Variants in GZMA observed in about 807,000 individuals in gnomAD.
GZMA encodes the protein granzyme A, also known as CTL tryptase.
A neutral mutation model predicts 21.1 loss-of-function variants in GZMA; 17 were observed. The observed-to-expected ratio is 0.81, with a 90% CI of 0.55 to 1.21. The LOEUF is 1.21. GZMA is among the 50% of genes most tolerant of loss of function. The probability of loss-of-function intolerance (pLI) is 0.00; values close to 1 mark genes in which losing one functional copy is unlikely to be tolerated. For missense variants in GZMA, 306 were observed against 315.9 expected (o/e 0.97, Z 0.24); for synonymous variants, 90 against 107.8 (o/e 0.83, Z 1.03).
At chr5:55,105,042 G>T (rs1235646467) in intron 1 of GZMA, among the ~76,000 whole-genome samples, 1 of 152,190 alleles carries the variant, frequency 6.6e-6, no homozygotes, top group Non-Finnish European at 1.5e-5. Context: ...ATGGCTTGGG[G>T]TTAAAAGGGA....
intron 1 of GZMA, among the ~76,000 whole-genome samples, chr5:55,104,092 T>C (rs567173819): frequency 6.6e-6 from 1 of 152,276 alleles, no homozygotes; most frequent in South Asian, 2.1e-4. Flanking sequence ...GGCTATGTTA[T>C]AAGCAGGGCA....
intron 1 of GZMA, 149 bp from the exon 2 acceptor site, chr5:55,105,325 C>G: frequency 1.6e-6 from 1 of 618,438 alleles, no homozygotes; most frequent in South Asian, 2.3e-5. Context: ...CAGATGTCTG[C>G]GGGTCTACAT....
Position 55,105,503 on chromosome 5 carries a change from GAAGT to G in GZMA, c.103_106del (p.Val35LeufsTer23). ...CTGTGAAAAAATTATTGGAGGAAAT[GAAGT>G]AACTCCTCATTCAAGACCCTACATG... On this transcript the variant is annotated frameshift_variant, in exon 2 of 5. Transcript: ENST00000274306. LOFTEE classifies it high-confidence loss of function. 1 of 1,612,208 alleles carries G rather than the reference GAAGT, an allele frequency of 6.2e-7. No homozygotes were observed. The highest frequency in any genetic ancestry group is 8.5e-7 in the Non-Finnish European group (1 of 1,178,510).
chr5:55,109,997 C>A lies in GZMA; in HGVS notation c.628-24C>A, dbSNP rs770702044. On this transcript the variant is annotated intron_variant, in intron 4 of 4. Transcript: ENST00000274306. ...GTAATGCTGAACACTGACCCCACAC[C>A]CTACCCCTCTTGTTTTCCTCCAGGG... 3 of 1,567,302 alleles carry A rather than the reference C, an allele frequency of 1.9e-6. No individual in the cohort carries two copies. In the South Asian group the frequency reaches 3.7e-5, roughly 19 times the overall value.
chr5:55,105,873 G>T (rs1036623346), intron 2 of GZMA, among the ~76,000 whole-genome samples: 1 of 151,840 alleles, frequency 6.6e-6, no homozygotes, highest in Non-Finnish European at 1.5e-5. Flanking sequence ...TTTGGAGGCT[G>T]AGGCAGGAGA....
At chr5:55,107,724 T>G (rs989785369) in intron 2 of GZMA, 70 bp from the exon 3 acceptor site, 18 of 1,141,930 alleles carry the variant, frequency 1.6e-5, no homozygotes, top group Middle Eastern at 2.0e-4. Flanking sequence ...ACAATGAAAC[T>G]GATCAGTATA....
In GZMA at chr5:55,108,183, G is replaced by A; in HGVS notation, c.416G>A (p.Gly139Glu). ...YVTILHLPKK[G>E]DDVKPGTMCQ... The stretch of plus-strand genomic sequence containing the variant: ...ACTATCCTTCATCTACCTAAAAAGG[G>A]GGACGATGTGAAACCAGGAACCATG... The change falls in exon 4 of 5, where the codon GGG becomes GAG. Residue 139 changes from glycine to glutamate, a missense_variant. Coordinates refer to ENST00000274306, the MANE Select transcript of GZMA (RefSeq NM_006144.4). 2 of 1,611,044 alleles carry A rather than the reference G, an allele frequency of 1.2e-6. No homozygotes were observed. Among genetic ancestry groups the A allele is most frequent in the African/African-American group, 2.7e-5 (2 of 74,948 alleles).
intron 2 of GZMA, 142 bp from the exon 3 acceptor site, chr5:55,107,652 A>T: frequency 1.9e-6 from 1 of 521,422 alleles, no homozygotes; most frequent in South Asian, 3.9e-5. Flanking sequence ...TTTATTCTTT[A>T]AAGCACACAT....
At chr5:55,104,330 T>C (rs1677492492) in intron 1 of GZMA, among the ~76,000 whole-genome samples, 1 of 152,188 alleles carries the variant, frequency 6.6e-6, no homozygotes. Flanking sequence ...AAAATTGGGA[T>C]TGGGTGAAGG....
chr5:55,107,845 G>A lies in GZMA; in HGVS notation c.267G>A (p.Glu89=). The part of the protein sequence containing the change: ...ILGAHSITRE[E]PTKQIMLVKK... ...GGGCTCACTCAATAACCAGGGAAGA[G>A]CCAACAAAACAGATAATGCTTGTTA... Residue 89 remains glutamate, a synonymous_variant, in exon 3 of 5, where the codon GAG becomes GAA. Transcript: ENST00000274306. The A allele has an allele frequency of 6.2e-7, 1 of 1,612,854 alleles. No homozygotes were observed. The highest frequency in any genetic ancestry group is 1.3e-5 in the African/African-American group (1 of 74,996).
rs1237092614 is a variant in GZMA at position 55,106,301 on chromosome 5, T to TACAAA, written c.215+684_215+685insCAAAA. Among the ~76,000 whole-genome samples the TACAAA allele has an allele frequency of 6.7e-3, 6 of 902 alleles. 2 individuals are homozygous for TACAAA. The highest frequency in any genetic ancestry group is 8.2e-3 in the African/African-American group (6 of 736). The allele number at this position is 902 out of a possible 152,430, so 0.6% of individuals were successfully genotyped here. ...TAAAATAAAATAAAATAAAATAAAA[T>TACAAA]ATAAAATAAAATAAAATATAAAATA... On this transcript the variant is annotated intron_variant, in intron 2 of 4. Coordinates refer to ENST00000274306, the MANE Select transcript of GZMA (RefSeq NM_006144.4).
chr5:55,110,188 C>T lies in GZMA; in HGVS notation c.*6C>T, dbSNP rs766998499. 17 of 1,564,240 alleles carry T rather than the reference C, an allele frequency of 1.1e-5. No homozygotes were observed. Among genetic ancestry groups the T allele is most frequent in the Middle Eastern group, 1.8e-4 (1 of 5,496 alleles). On this transcript the variant is annotated 3_prime_UTR_variant, in exon 5 of 5. Coordinates refer to ENST00000274306, the MANE Select transcript of GZMA (RefSeq NM_006144.4). ...CTATCAAGGGAGCAGTTTAAATAAC[C>T]GTTTCCTTTCATTTACTGTGGCTTC...
intron 4 of GZMA, among the ~76,000 whole-genome samples, chr5:55,109,655 T>C (rs1245984435): frequency 1.3e-5 from 2 of 152,214 alleles, no homozygotes; most frequent in Admixed American, 1.3e-4. Context: ...AAACATAGTG[T>C]TTATTCTTTG....
intron 4 of GZMA, among the ~76,000 whole-genome samples, chr5:55,108,801 T>C (rs1742456946): frequency 6.6e-6 from 1 of 152,118 alleles, no homozygotes; most frequent in Non-Finnish European, 1.5e-5. Flanking sequence ...CCCCACTACG[T>C]TCCTCTGCCA....
chr5:55,106,398 C>G (rs1014512501), intron 2 of GZMA, among the ~76,000 whole-genome samples: 1 of 151,922 alleles, frequency 6.6e-6, no homozygotes. Flanking sequence ...ATCTTCACAT[C>G]GCTTAAGTCT....
At position 55,107,863 on chromosome 5, in the gene GZMA, G is replaced by T. The variant is rs891279831; in HGVS notation, c.285G>T (p.Met95Ile). The change falls in exon 3 of 5, where the codon ATG becomes ATT. Residue 95 changes from methionine to isoleucine, a missense_variant. Transcript: ENST00000274306. Reference protein sequence around the residue: ...ITREEPTKQIMLVKKEFPYPC... With the variant: ...ITREEPTKQIILVKKEFPYPC... ...GGGAAGAGCCAACAAAACAGATAATGCTTGTTAAGAAAGAGTTTCCCTATC... is the reference window on the plus strand; with the variant it reads ...GGGAAGAGCCAACAAAACAGATAATTCTTGTTAAGAAAGAGTTTCCCTATC... 6.2e-7 allele frequency: 1 copy of T among 1,612,780 alleles called. No homozygotes were observed. The highest frequency in any genetic ancestry group is 8.5e-7 in the Non-Finnish European group (1 of 1,178,818).
At position 55,105,506 on chromosome 5, in the gene GZMA, G is replaced by A; in HGVS notation, c.103G>A (p.Val35Ile). ...VCEKIIGGNE[V>I]TPHSRPYMVL... ...TGAAAAAATTATTGGAGGAAATGAAGTAACTCCTCATTCAAGACCCTACAT... is the reference window on the plus strand; with the variant it reads ...TGAAAAAATTATTGGAGGAAATGAAATAACTCCTCATTCAAGACCCTACAT... The change falls in exon 2 of 5, where the codon GTA (valine) becomes ATA (isoleucine). Residue 35 changes from valine to isoleucine, a missense_variant. Transcript: ENST00000274306. 6.2e-7 allele frequency: 1 copy of A among 1,611,982 alleles called. No homozygotes were observed. Among genetic ancestry groups the A allele is most frequent in the Non-Finnish European group, 8.5e-7 (1 of 1,178,342 alleles).
At position 55,107,940 on chromosome 5, in the gene GZMA, G is replaced by T; in HGVS notation, c.357+5G>T. 2 of 1,610,572 alleles carry T rather than the reference G, an allele frequency of 1.2e-6. No individual in the cohort carries two copies. Among genetic ancestry groups the T allele is most frequent in the South Asian group, 2.2e-5 (2 of 90,854 alleles). ...GGTGACCTTAAACTTTTACAGGTAC[G>T]TATCTTTGATTGTCTTCTCAAAAGT... On this transcript the variant is annotated splice_donor_5th_base_variant and intron_variant, in intron 3 of 4. Transcript: ENST00000274306.
Position 55,109,211 on chromosome 5 carries a change from A to G in GZMA, c.628-810A>G, listed in dbSNP as rs145562727. The stretch of plus-strand genomic sequence containing the variant: ...GCTAGCCAAATCCCAGGAAAAGAAA[A>G]CATTTGTCTTCAGTACCTGTCCACT... On this transcript the variant is annotated intron_variant, in intron 4 of 4. Transcript: ENST00000274306. Among the ~76,000 whole-genome samples, 420 of 152,244 alleles carry G rather than the reference A, an allele frequency of 2.8e-3. 1 individual carries two copies. The highest frequency in any genetic ancestry group is 9.8e-3 in the African/African-American group (408 of 41,534).
Sources: allele counts gnomAD v4.1 joint callset (sites outside exome capture counted in the v4.1 genomes callset), GRCh38; gene constraint gnomAD v4.1.1; transcripts MANE v1.5; gene names NCBI Gene and HGNC (gene_info 2026-07-23, HGNC 2026-07-21).